CDC14B: variants seen among roughly 807,000 people sequenced by gnomAD.
CDC14B encodes the protein dual specificity protein phosphatase CDC14B.
In CDC14B, 22 loss-of-function variants were observed where a neutral mutation model predicts 64.2. That is an observed-to-expected ratio of 0.34 (90% CI 0.24 to 0.49). The LOEUF is 0.49. CDC14B is among the 20% of genes least tolerant of loss of function. CDC14B has a pLI of 0.99. For missense variants in CDC14B, 498 were observed against 629.9 expected (o/e 0.79, Z 2.24); for synonymous variants, 191 against 215.8 (o/e 0.89, Z 1.01).
intron 1 of CDC14B, among the ~76,000 whole-genome samples, chr9:96,580,770 A>G (rs1233285095): frequency 6.6e-6 from 1 of 152,242 alleles, no homozygotes; most frequent in Non-Finnish European, 1.5e-5. Flanking sequence ...TAATTAAACC[A>G]TGGCAATCAT....
intron 1 of CDC14B, among the ~76,000 whole-genome samples, chr9:96,587,395 G>A (rs371058609): frequency 1.3e-5 from 2 of 152,118 alleles, no homozygotes; most frequent in Non-Finnish European, 2.9e-5. Flanking sequence ...CCTCTGACAA[G>A]GGGGATCCTG....
At chr9:96,523,191 T>A in intron 11 of CDC14B, 70 bp downstream of exon 11, 2 of 1,504,720 alleles carry the variant, frequency 1.3e-6, no homozygotes, top group Non-Finnish European at 1.8e-6. Context: ...TACGGTTTTC[T>A]CCATACCCTG....
chr9:96,535,689 A>G (rs1839179177), intron 7 of CDC14B, among the ~76,000 whole-genome samples: 1 of 152,306 alleles, frequency 6.6e-6, no homozygotes, highest in South Asian at 2.1e-4. Context: ...AGTTTCTTGA[A>G]TATCTACAGG....
In CDC14B at chr9:96,523,864, G is replaced by C. The variant is rs530748272; in HGVS notation, c.947-139C>G. The C allele has an allele frequency of 3.5e-4, 270 of 766,826 alleles. 1 individual carries two copies. The South Asian group carries it at 4.8e-3, about 14-fold the overall frequency. 47.5% of individuals were successfully genotyped at this position (766,826 alleles called of 1,614,324 possible). On this transcript the variant is annotated intron_variant, in intron 9 of 13. Coordinates refer to ENST00000375241, the MANE Select transcript of CDC14B (RefSeq NM_033331.4). Reference sequence around the variant, plus strand: ...GGTTCTCAAGGCTGGTTACACTCTGGAATCACCTAGAGAGGTTTTTAAATA... The same window carrying C: ...GGTTCTCAAGGCTGGTTACACTCTGCAATCACCTAGAGAGGTTTTTAAATA...
chr9:96,591,853 C>A (rs1315037873), intron 1 of CDC14B, among the ~76,000 whole-genome samples: 2 of 151,668 alleles, frequency 1.3e-5, no homozygotes, highest in African/African-American at 4.9e-5. Flanking sequence ...TCACGCCATT[C>A]TCCTGACTCA....
intron 1 of CDC14B, among the ~76,000 whole-genome samples, chr9:96,570,789 G>A (rs1276792053): frequency 1.3e-5 from 2 of 152,190 alleles, no homozygotes; most frequent in Admixed American, 6.5e-5. Context: ...CACTACCAGG[G>A]TCAACTAGCT....
At chr9:96,520,862 C>T (rs889886967) in intron 12 of CDC14B, among the ~76,000 whole-genome samples, 3 of 150,760 alleles carry the variant, frequency 2.0e-5, no homozygotes, top group Non-Finnish European at 4.4e-5. Context: ...CCGGGTGCCT[C>T]CTGCACACTG....
intron 7 of CDC14B, 41 bp downstream of exon 7, chr9:96,539,036 CG>C: frequency 8.0e-7 from 1 of 1,251,452 alleles, no homozygotes; most frequent in Non-Finnish European, 1.2e-6. Flanking sequence ...TAAAGCTGGG[CG>C]GGGGGAGGAA....
Position 96,524,635 on chromosome 9 carries a change from C to T in CDC14B, c.947-910G>A, listed in dbSNP as rs79281399. Among the ~76,000 whole-genome samples the T allele has an allele frequency of 2.4e-3, 369 of 152,268 alleles. 1 individual carries two copies. Among genetic ancestry groups the T allele is most frequent in the Non-Finnish European group, 3.6e-3 (248 of 68,030 alleles). ...TTTAAGTTGGTGAGCTTTCAGTAAG[C>T]ACAGTTCCCTCCATAATGTGGATGG... is the stretch of plus-strand genomic sequence containing the variant. On this transcript the variant is annotated intron_variant, in intron 9 of 13. Transcript: ENST00000375241.
At chr9:96,602,669 C>A (rs768929862) in intron 1 of CDC14B, among the ~76,000 whole-genome samples, 1 of 152,100 alleles carries the variant, frequency 6.6e-6, no homozygotes, top group Non-Finnish European at 1.5e-5. Flanking sequence ...CTCTCACCAG[C>A]GTCCCTCCCA....
chr9:96,495,447 G>A (rs539619014), downstream of CDC14B, among the ~76,000 whole-genome samples: 12 of 144,240 alleles, frequency 8.3e-5, no homozygotes, highest in African/African-American at 2.8e-4. Context: ...ACTTCAGTGT[G>A]CCTGGCACTC....
intron 5 of CDC14B, among the ~76,000 whole-genome samples, chr9:96,546,670 G>C (rs528938062): frequency 2.0e-5 from 3 of 152,026 alleles, no homozygotes; most frequent in Admixed American, 6.5e-5. Context: ...GGCTCATCTT[G>C]AACTCCTGAC....
chr9:96,567,077 C>T (rs972414653), intron 1 of CDC14B: 2 of 973,244 alleles, frequency 2.1e-6, no homozygotes, highest in Non-Finnish European at 2.9e-6. Context: ...GCTTTCTTTC[C>T]CCCCGCCTGG....
intron 1 of CDC14B, among the ~76,000 whole-genome samples, chr9:96,615,303 C>G (rs1310052487): frequency 6.6e-6 from 1 of 152,018 alleles, no homozygotes; most frequent in African/African-American, 2.4e-5. Context: ...TTAGTCTGCT[C>G]CTAGTAAGAG....
At position 96,538,313 on chromosome 9, in the gene CDC14B, T is replaced by C. The variant is rs902416601; in HGVS notation, c.627+765A>G. Among the ~76,000 whole-genome samples, 4 of 152,236 alleles carry C rather than the reference T, an allele frequency of 2.6e-5. No individual in the cohort carries two copies. The East Asian group carries it at 5.8e-4, about 22-fold the overall frequency. Reference sequence around the variant, plus strand: ...CAAATGCAGAAATTCCCACTGAGAATTGGGACAGGAGAAATAGGGATAAGA... The same window carrying C: ...CAAATGCAGAAATTCCCACTGAGAACTGGGACAGGAGAAATAGGGATAAGA... On this transcript the variant is annotated intron_variant, in intron 7 of 13. Coordinates refer to ENST00000375241, the MANE Select transcript of CDC14B (RefSeq NM_033331.4).
rs1158246786 is a variant in CDC14B, at chr9:96,501,222, A to C, written c.*2531T>G. On this transcript the variant is annotated 3_prime_UTR_variant, in exon 14 of 14. Coordinates refer to ENST00000375241, the MANE Select transcript of CDC14B (RefSeq NM_033331.4). ...TCCGGACTGTCCCTGACTTTTGATAATTTTGAGTCCCCAGAAAGCTTCAAG... is the reference window on the plus strand; with the variant it reads ...TCCGGACTGTCCCTGACTTTTGATACTTTTGAGTCCCCAGAAAGCTTCAAG... 1 of 152,226 alleles carries C rather than the reference A, an allele frequency of 6.6e-6. No individual in the cohort carries two copies. Among genetic ancestry groups the C allele is most frequent in the Non-Finnish European group, 1.5e-5 (1 of 68,042 alleles). 9.4% of individuals were successfully genotyped at this position (152,226 alleles called of 1,614,324 possible).
At chr9:96,499,789 G>C (rs1458948894), downstream of CDC14B, among the ~76,000 whole-genome samples, 1 of 152,216 alleles carries the variant, frequency 6.6e-6, no homozygotes, top group Non-Finnish European at 1.5e-5. Context: ...TCTGACTGGT[G>C]TCCTCTTGAG....
intron 1 of CDC14B, among the ~76,000 whole-genome samples, chr9:96,611,707 T>C (rs992285276): frequency 6.6e-6 from 1 of 152,146 alleles, no homozygotes; most frequent in South Asian, 2.1e-4. Context: ...ACATTAAGCA[T>C]GGAAAGGTCC....
At position 96,501,719 on chromosome 9, in the gene CDC14B, T is replaced by G. The variant is rs1587708250; in HGVS notation, c.*2034A>C. On this transcript the variant is annotated 3_prime_UTR_variant, in exon 14 of 14. Transcript: ENST00000375241. ...TAGGTGGAAACTTGAGCAGGCAACA[T>G]GAAGAGGCAGTTTATAAAATGAAAA... 2.0e-5 allele frequency: 3 copies of G among 152,518 alleles called. No individual in the cohort carries two copies. Among genetic ancestry groups the G allele is most frequent in the Non-Finnish European group, 4.4e-5 (3 of 68,030 alleles). The allele number at this position is 152,518 out of a possible 1,614,324, so 9.4% of individuals were successfully genotyped here.
Sources: gnomAD v4.1 joint callset for allele counts (sites outside exome capture counted in the v4.1 genomes callset) on GRCh38, gnomAD v4.1.1 for gene constraint, MANE v1.5 for transcripts, NCBI Gene and HGNC (gene_info 2026-07-23, HGNC 2026-07-21) for gene names.